ERAP2: variants seen among roughly 807,000 people sequenced by gnomAD.
ERAP2 encodes endoplasmic reticulum aminopeptidase 2.
In ERAP2, 118 loss-of-function variants were observed where a neutral mutation model predicts 111.1. That is an observed-to-expected ratio of 1.06 (90% CI 0.92 to 1.24). The LOEUF (loss-of-function observed/expected upper bound fraction) is 1.24, where lower values mean the gene tolerates loss of function less well. Ranked by LOEUF, ERAP2 falls within the 50% of genes most tolerant of loss-of-function variation. The probability of loss-of-function intolerance (pLI) is 0.00; values close to 1 mark genes in which losing one functional copy is unlikely to be tolerated. For synonymous variants in ERAP2, 410 were observed against 401.2 expected (o/e 1.02, Z -0.26); for missense variants, 1,131 against 1,125.8 (o/e 1.00, Z -0.07).
At chr5:96,878,589 T>G (rs1012645846) in intron 1 of ERAP2, among the ~76,000 whole-genome samples, 42 of 152,012 alleles carry the variant, frequency 2.8e-4, no homozygotes, top group African/African-American at 9.9e-4. Context: ...ACCCCAGGAA[T>G]TTGAGGCCAG....
At chr5:96,895,615 T>C (rs1462921802) in intron 7 of ERAP2, among the ~76,000 whole-genome samples, 1 of 152,184 alleles carries the variant, frequency 6.6e-6, no homozygotes, top group Non-Finnish European at 1.5e-5. Context: ...GAACTGTGTA[T>C]GTGGGTTGAG....
chr5:96,903,689 T>C, intron 13 of ERAP2, 129 bp downstream of exon 13: 1 of 797,590 alleles, frequency 1.3e-6, no homozygotes, highest in Non-Finnish European at 1.9e-6. Flanking sequence ...CAAACAGTGA[T>C]CACTAGGCCA....
At chr5:96,887,787 T>C (rs1783914089) in intron 4 of ERAP2, among the ~76,000 whole-genome samples, 1 of 152,216 alleles carries the variant, frequency 6.6e-6, no homozygotes, top group Admixed American at 6.5e-5. Flanking sequence ...GACCAAATTA[T>C]AGACTTAAAA....
intron 5 of ERAP2, among the ~76,000 whole-genome samples, chr5:96,890,442 A>G (rs1022928095): frequency 3.9e-5 from 6 of 152,198 alleles, no homozygotes; most frequent in African/African-American, 9.6e-5. Context: ...ACCTCCTGCC[A>G]TGCAGCCCAG....
chr5:96,908,127 T>G (rs543499579), intron 13 of ERAP2, among the ~76,000 whole-genome samples: 2 of 152,326 alleles, frequency 1.3e-5, no homozygotes, highest in East Asian at 3.9e-4. Flanking sequence ...GGTAGAGCAC[T>G]ATGTTAATGA....
At chr5:96,900,092 T>G in intron 9 of ERAP2, 29 bp from the exon 10 acceptor site, 1 of 1,613,502 alleles carries the variant, frequency 6.2e-7, no homozygotes, top group Non-Finnish European at 8.5e-7. Flanking sequence ...ATGCCTACAT[T>G]GCAGTGCTCT....
chr5:96,899,457 T>C (rs1785221764), intron 9 of ERAP2, among the ~76,000 whole-genome samples: 1 of 152,158 alleles, frequency 6.6e-6, no homozygotes, highest in African/African-American at 2.4e-5. Context: ...ATGAGAAGAA[T>C]TAGTTGCTGT....
chr5:96,897,760 A>G (rs1455714041), intron 9 of ERAP2, among the ~76,000 whole-genome samples: 2 of 152,226 alleles, frequency 1.3e-5, no homozygotes, highest in Non-Finnish European at 2.9e-5. Context: ...TTATAGAACC[A>G]TTAGACCCAG....
chr5:96,884,034 TTATCTATCTATC>T (rs59325486), intron 3 of ERAP2, 104 bp downstream of exon 3: 87,822 of 602,842 alleles, frequency 0.15, 8,789 homozygotes, highest in Middle Eastern at 0.23. Context: ...TAATTTGTTT[TTATCTATCTATC>T]TATCTATCTA....
In ERAP2 at chr5:96,896,498, T is replaced by C. The variant is rs778436108; in HGVS notation, c.1365T>C (p.Tyr455=). Residue 455 remains tyrosine (Y), a synonymous_variant, in exon 8 of 19, where the codon TAT becomes TAC. Transcript: ENST00000437043. ...AGGAAATGTTTGATGAAGTTTCCTA[T>C]AACAAGGTAGTAAATATCAGGTGCA... ...QIQEMFDEVS[Y]NKGACILNML... 22 of 1,613,036 alleles carry C rather than the reference T, an allele frequency of 1.4e-5. 1 individual carries two copies. In the South Asian group the frequency reaches 2.3e-4, roughly 17 times the overall value.
rs148708696 is a variant in ERAP2 at position 96,908,920 on chromosome 5, T to C, written c.2013-41T>C. Reference sequence around the variant, plus strand: ...TTAATGTTAAAAATATTAAAAACTATAAGATATGCACAAACCACTGACATT... The same window carrying C: ...TTAATGTTAAAAATATTAAAAACTACAAGATATGCACAAACCACTGACATT... On this transcript the variant is annotated intron_variant, in intron 13 of 18. Transcript: ENST00000437043. 6.7e-3 allele frequency: 10,436 copies of C among 1,562,514 alleles called. 69 individuals are homozygous for C. The highest frequency in any genetic ancestry group is 8.0e-3 in the Non-Finnish European group (9,178 of 1,153,332).
At position 96,912,204 on chromosome 5, in the gene ERAP2, AG is replaced by A. The variant is rs144038026; in HGVS notation, c.2355-432del. Among the ~76,000 whole-genome samples the A allele has an allele frequency of 2.4e-3, 336 of 140,332 alleles. 5 individuals carry two copies. Among genetic ancestry groups the A allele is most frequent in the African/African-American group, 7.1e-3 (273 of 38,248 alleles). The allele number at this position is 140,332 out of a possible 152,430, so 92.1% of individuals were successfully genotyped here. A position where few individuals can be genotyped will look rare whatever the true frequency, so the allele number is the denominator to read the frequency against. On this transcript the variant is annotated intron_variant, in intron 15 of 18. Coordinates refer to ENST00000437043, the MANE Select transcript of ERAP2 (RefSeq NM_022350.5). ...ACTCCACCTCAAAAAAAAAAAAAAAAGAAAAGAAAAGAAAAAAATGCCTTCA... is the reference window on the plus strand; with the variant it reads ...ACTCCACCTCAAAAAAAAAAAAAAAAAAAAGAAAAGAAAAAAATGCCTTCA...
intron 9 of ERAP2, 100 bp from the exon 10 acceptor site, chr5:96,900,021 A>G (rs1785280295): frequency 1.5e-6 from 2 of 1,358,614 alleles, no homozygotes; most frequent in African/African-American, 2.9e-5. Flanking sequence ...GAATTATTTC[A>G]TATAGCTCTT....
chr5:96,881,592 G>C (rs753861643), intron 2 of ERAP2: 9 of 428,332 alleles, frequency 2.1e-5, no homozygotes, highest in Non-Finnish European at 2.8e-5. Flanking sequence ...TTTTTCTCAT[G>C]CAACAAGAAG....
intron 16 of ERAP2, among the ~76,000 whole-genome samples, 163 bp from the exon 17 acceptor site, chr5:96,913,150 AAATT>A (rs749777724): frequency 1.6e-4 from 24 of 152,202 alleles, no homozygotes; most frequent in Non-Finnish European, 2.2e-4. Context: ...AACAAAATAA[AAATT>A]ATTTCTAAAA....
At chr5:96,891,814 T>C (rs1581831337) in intron 5 of ERAP2, among the ~76,000 whole-genome samples, 1 of 152,156 alleles carries the variant, frequency 6.6e-6, no homozygotes, top group African/African-American at 2.4e-5. Context: ...ATATTGACTA[T>C]AGAGATGGCT....
chr5:96,881,389 T>C (rs759518674), intron 2 of ERAP2: 6 of 455,550 alleles, frequency 1.3e-5, no homozygotes, highest in Non-Finnish European at 2.6e-5. Flanking sequence ...ATTGCTGACA[T>C]ATTGGTCATG....
chr5:96,896,155 G>A (rs1282623783), intron 7 of ERAP2, among the ~76,000 whole-genome samples: 1 of 152,056 alleles, frequency 6.6e-6, no homozygotes, highest in Non-Finnish European at 1.5e-5. Context: ...GGCAATGTCT[G>A]AAGGAATATT....
Position 96,918,032 on chromosome 5 carries a change from T to G in ERAP2, c.*427T>G, listed in dbSNP as rs1312539596. 6.6e-6 allele frequency: 1 copy of G among 152,466 alleles called. No individual in the cohort carries two copies. Among genetic ancestry groups the G allele is most frequent in the African/African-American group, 2.4e-5 (1 of 41,346 alleles). The allele number at this position is 152,466 out of a possible 1,614,324, so 9.4% of individuals were successfully genotyped here. Reference sequence around the variant, plus strand: ...AAGCTCAAGTCAAGAGCTGTGGATATTTTGTCTAACCAACAAGAAGTCTCA... The same window carrying G: ...AAGCTCAAGTCAAGAGCTGTGGATAGTTTGTCTAACCAACAAGAAGTCTCA... On this transcript the variant is annotated 3_prime_UTR_variant, in exon 19 of 19. Coordinates refer to ENST00000437043, the MANE Select transcript of ERAP2 (RefSeq NM_022350.5).
Sources: gnomAD v4.1 joint callset for allele counts (sites outside exome capture counted in the v4.1 genomes callset) on GRCh38, gnomAD v4.1.1 for gene constraint, MANE v1.5 for transcripts, NCBI Gene and HGNC (gene_info 2026-07-23, HGNC 2026-07-21) for gene names.